Variants in APP observed in about 807,000 individuals in gnomAD.
APP encodes the protein amyloid-beta precursor protein.
A neutral mutation model predicts 101.4 loss-of-function variants in APP; 31 were observed. The ratio of observed to expected loss-of-function variants is 0.31; its 90% CI spans 0.23 to 0.41. The LOEUF is 0.41. APP is among the 10% of genes least tolerant of loss of function. The probability of loss-of-function intolerance (pLI) is 1.00; values close to 1 mark genes in which losing one functional copy is unlikely to be tolerated. For synonymous variants in APP, 366 were observed against 364.4 expected, an observed-to-expected ratio of 1.00 and a Z score of -0.05; for missense variants, 839 against 1,003.7, an observed-to-expected ratio of 0.84 and a Z score of 2.22.
chr21:26,093,786 AC>A (rs1366440275), intron 2 of APP, among the ~76,000 whole-genome samples: 1 of 152,122 alleles, frequency 6.6e-6, no homozygotes, highest in Non-Finnish European at 1.5e-5. Context: ...ACCAACAATG[AC>A]AATTGTTAAT....
chr21:25,912,359 G>GT (rs1200557213), intron 13 of APP, among the ~76,000 whole-genome samples: 1 of 152,132 alleles, frequency 6.6e-6, no homozygotes, highest in African/African-American at 2.4e-5. Context: ...TGTGGCGGCA[G>GT]TAAGTGAGGC....
chr21:26,170,508 G>GCT, intron 1 of APP, 56 bp downstream of exon 1: 4 of 1,515,790 alleles, frequency 2.6e-6, no homozygotes, highest in Non-Finnish European at 3.5e-6. Context: ...AGGTCTTGGG[G>GCT]GGTATCGCGT....
intron 13 of APP, among the ~76,000 whole-genome samples, chr21:25,914,686 T>C (rs1303459848): frequency 1.3e-5 from 2 of 151,674 alleles, no homozygotes; most frequent in Admixed American, 6.6e-5. Context: ...CCCGAGTAGC[T>C]GGGACTACAG....
chr21:25,985,861 AT>A (rs2042617629), intron 8 of APP, among the ~76,000 whole-genome samples: 1 of 152,060 alleles, frequency 6.6e-6, no homozygotes, highest in South Asian at 2.1e-4. Context: ...TGTGAGTGAA[AT>A]TATCCTATAT....
In APP at chr21:25,897,012, AAC is replaced by A. The variant is rs2038095034; in HGVS notation, c.2064+559_2064+560del. On this transcript the variant is annotated intron_variant, in intron 16 of 17. Transcript: ENST00000346798. ...CTATTGTAAACCTATTTTCCCAGAA[AAC>A]ACAGTGGAAGTCAAAGTGGCTGCTA... Among the ~76,000 whole-genome samples, 4 of 152,370 alleles carry A rather than the reference AAC, an allele frequency of 2.6e-5. 1 individual carries two copies. Among genetic ancestry groups the A allele is most frequent in the Admixed American group, 2.6e-4 (4 of 15,300 alleles).
intron 3 of APP, among the ~76,000 whole-genome samples, chr21:26,054,337 T>C (rs145578031): frequency 2.0e-5 from 3 of 152,308 alleles, no homozygotes; most frequent in African/African-American, 7.2e-5. Flanking sequence ...ACCCCCACAA[T>C]TCCTGGCCTA....
chr21:25,955,283 G>C (rs1191394844), intron 12 of APP, among the ~76,000 whole-genome samples: 3 of 152,038 alleles, frequency 2.0e-5, no homozygotes, highest in Non-Finnish European at 4.4e-5. Flanking sequence ...CAACATTCCA[G>C]TAGGTTTATG....
At chr21:26,118,404 G>C (rs552888218) in intron 1 of APP, among the ~76,000 whole-genome samples, 2 of 152,104 alleles carry the variant, frequency 1.3e-5, no homozygotes, top group South Asian at 2.1e-4. Context: ...CTTAAAAGGT[G>C]AATGTTTTCT....
intron 9 of APP, among the ~76,000 whole-genome samples, chr21:25,980,768 T>C (rs1318174368): frequency 6.6e-6 from 1 of 152,192 alleles, no homozygotes; most frequent in Non-Finnish European, 1.5e-5. Context: ...TTTCTTATTA[T>C]TCAGGTGAGG....
chr21:25,895,021 A>G (rs911635031), intron 16 of APP, among the ~76,000 whole-genome samples: 2 of 152,192 alleles, frequency 1.3e-5, no homozygotes, highest in Non-Finnish European at 2.9e-5. Context: ...TCCACGAGCA[A>G]AAAGATTAGG....
chr21:26,170,202 TCCTTCCC>T (rs1209913143), intron 1 of APP, among the ~76,000 whole-genome samples: 1 of 152,158 alleles, frequency 6.6e-6, no homozygotes, highest in African/African-American at 2.4e-5. Context: ...CCCCACGTGC[TCCTTCCC>T]CCTTCCCCCC....
intron 2 of APP, among the ~76,000 whole-genome samples, chr21:26,099,035 G>A (rs765950946): frequency 6.6e-6 from 1 of 152,030 alleles, no homozygotes; most frequent in African/African-American, 2.4e-5. Context: ...TAGATGGGAG[G>A]GTTCATTTTA....
At chr21:25,895,672 G>A (rs984483485) in intron 16 of APP, among the ~76,000 whole-genome samples, 3 of 152,134 alleles carry the variant, frequency 2.0e-5, no homozygotes, top group Non-Finnish European at 2.9e-5. Context: ...ATAAAATATA[G>A]CAAATGAAGC....
At chr21:26,051,966 G>A (rs2045856803) in intron 4 of APP, among the ~76,000 whole-genome samples, 1 of 152,190 alleles carries the variant, frequency 6.6e-6, no homozygotes, top group African/African-American at 2.4e-5. Context: ...AATAAAAAAT[G>A]AGGTTATCAA....
intron 3 of APP, among the ~76,000 whole-genome samples, chr21:26,086,910 A>G (rs1005152382): frequency 6.6e-6 from 1 of 152,198 alleles, no homozygotes; most frequent in Admixed American, 6.5e-5. Context: ...TCTCCCATTT[A>G]TTTGCTGTGA....
chr21:26,029,801 G>C (rs2044740700), intron 5 of APP, among the ~76,000 whole-genome samples: 1 of 152,128 alleles, frequency 6.6e-6, no homozygotes, highest in Non-Finnish European at 1.5e-5. Flanking sequence ...GAAAAGAAAG[G>C]GGGTAAAAAT....
intron 1 of APP, among the ~76,000 whole-genome samples, chr21:26,120,535 T>C (rs1312962780): frequency 6.6e-6 from 1 of 152,146 alleles, no homozygotes; most frequent in Non-Finnish European, 1.5e-5. Context: ...TGTCCTAGAA[T>C]TGGAAAGAAT....
At chr21:25,910,385 C>A (rs1300982708) in intron 14 of APP, among the ~76,000 whole-genome samples, 2 of 152,186 alleles carry the variant, frequency 1.3e-5, no homozygotes, top group Non-Finnish European at 2.9e-5. Context: ...CCACCTCAGC[C>A]TCCCTAAGTC....
chr21:25,927,073 AC>A (rs2039933586), intron 13 of APP, among the ~76,000 whole-genome samples: 1 of 151,894 alleles, frequency 6.6e-6, no homozygotes, highest in Non-Finnish European at 1.5e-5. Context: ...TCTTTTTCAT[AC>A]ATTTCAAATT....
Sources: gnomAD v4.1 joint callset for allele counts (sites outside exome capture counted in the v4.1 genomes callset) on GRCh38, gnomAD v4.1.1 for gene constraint, MANE v1.5 for transcripts, NCBI Gene and HGNC (gene_info 2026-07-23, HGNC 2026-07-21) for gene names.